The following FAM227B variants were observed in gnomAD, a reference collection of about 807,000 sequenced individuals.
FAM227B encodes protein FAM227B.
A neutral mutation model predicts 73.8 loss-of-function variants in FAM227B; 88 were observed. The observed-to-expected ratio is 1.19, with a 90% CI of 1.00 to 1.42. FAM227B has a LOEUF of 1.42. FAM227B is among the 40% of genes most tolerant of loss of function. The pLI is 0.00. For synonymous variants in FAM227B, 210 were observed against 190.5 expected (o/e 1.10, Z -0.84); for missense variants, 632 against 590.9 (o/e 1.07, Z -0.72).
intron 13 of FAM227B, among the ~76,000 whole-genome samples, chr15:49,342,483 A>G (rs1260757875): frequency 1.3e-5 from 2 of 152,188 alleles, no homozygotes; most frequent in Non-Finnish European, 1.5e-5. Flanking sequence ...TCTTTTATCC[A>G]ACTTGCAACT....
intron 14 of FAM227B, among the ~76,000 whole-genome samples, chr15:49,332,505 G>C (rs2038978048): frequency 6.6e-6 from 1 of 152,174 alleles, no homozygotes; most frequent in East Asian, 1.9e-4. Context: ...TTGAAATCAG[G>C]AAGCAGCAGG....
rs766495773 is a variant in FAM227B at position 49,588,092 on chromosome 15, A to C, written c.338-9T>G. On this transcript the variant is annotated splice_polypyrimidine_tract_variant and intron_variant, in intron 4 of 15. Coordinates refer to ENST00000299338, the MANE Select transcript of FAM227B (RefSeq NM_152647.3). Reference sequence around the variant, plus strand: ...CAATTTTCTATAAGAACCTTTAAGAAAATAAGAATTCACAGTATATATATT... The same window carrying C: ...CAATTTTCTATAAGAACCTTTAAGACAATAAGAATTCACAGTATATATATT... 5 of 1,398,040 alleles carry C rather than the reference A, an allele frequency of 3.6e-6. No homozygotes were observed. The Admixed American group carries it at 1.2e-4, about 35-fold the overall frequency. 86.6% of individuals were successfully genotyped at this position (1,398,040 alleles called of 1,614,324 possible).
intron 10 of FAM227B, among the ~76,000 whole-genome samples, chr15:49,535,766 A>G (rs934076457): frequency 1.7e-4 from 26 of 151,920 alleles, no homozygotes; most frequent in African/African-American, 5.3e-4. Context: ...AATAAATGCA[A>G]TTCAATCAGT....
At chr15:49,361,141 TATATC>T (rs1248410438) in intron 13 of FAM227B, among the ~76,000 whole-genome samples, 1 of 152,194 alleles carries the variant, frequency 6.6e-6, no homozygotes, top group African/African-American at 2.4e-5. Flanking sequence ...AATGTATACA[TATATC>T]ATAACATCAC....
rs556543621 is a variant in FAM227B at position 49,435,643 on chromosome 15, T to C, written c.1013-64244A>G. ...GGCCAAATTTGGTCTTCAAATTTTC[T>C]CTTAACTGGCTGGAAGATGGCCAGA... On this transcript the variant is annotated intron_variant, in intron 11 of 15. Coordinates refer to ENST00000299338, the MANE Select transcript of FAM227B (RefSeq NM_152647.3). Among the ~76,000 whole-genome samples the C allele has an allele frequency of 7.9e-5, 12 of 151,712 alleles. No individual in the cohort carries two copies. The East Asian group carries it at 1.8e-3, about 22-fold the overall frequency.
At chr15:49,369,124 A>ATTT (rs1596630327) in intron 12 of FAM227B, among the ~76,000 whole-genome samples, 3 of 114,424 alleles carry the variant, frequency 2.6e-5, no homozygotes, top group African/African-American at 1.0e-4. Context: ...ACGCCTGGCT[A>ATTT]ATTTTTTTAT....
intron 3 of FAM227B, among the ~76,000 whole-genome samples, chr15:49,607,451 T>C (rs991979141): frequency 6.6e-6 from 1 of 152,158 alleles, no homozygotes; most frequent in African/African-American, 2.4e-5. Flanking sequence ...ACTGTCAATT[T>C]AGAATGGCAG....
chr15:49,574,933 G>A, intron 8 of FAM227B, 78 bp downstream of exon 8: 2 of 816,792 alleles, frequency 2.4e-6, no homozygotes, highest in Non-Finnish European at 3.8e-6. Flanking sequence ...AAACATTTTT[G>A]TACTAGACTT....
At chr15:49,487,564 T>C (rs1217290607) in intron 11 of FAM227B, 2 of 151,894 alleles carry the variant, frequency 1.3e-5, no homozygotes, top group Admixed American at 6.6e-5. Flanking sequence ...TCTGGTTCTC[T>C]AGACTGCCAA....
intron 11 of FAM227B, among the ~76,000 whole-genome samples, chr15:49,461,279 G>A (rs1446122099): frequency 6.6e-6 from 1 of 152,150 alleles, no homozygotes; most frequent in African/African-American, 2.4e-5. Flanking sequence ...CTCAAAGATA[G>A]AGAGCTAACA....
chr15:49,486,019 G>A (rs3959665), intron 11 of FAM227B: 1 of 151,922 alleles, frequency 6.6e-6, no homozygotes, highest in African/African-American at 2.4e-5. Context: ...ATTATTACAA[G>A]GATGAATTTC....
At chr15:49,521,849 G>A (rs971402424) in intron 10 of FAM227B, among the ~76,000 whole-genome samples, 11 of 152,120 alleles carry the variant, frequency 7.2e-5, no homozygotes, top group African/African-American at 2.7e-4. Context: ...TGAGGAGATG[G>A]TGCAGCCCCC....
At chr15:49,370,336 C>T (rs112658651) in intron 12 of FAM227B, among the ~76,000 whole-genome samples, 25 of 152,276 alleles carry the variant, frequency 1.6e-4, no homozygotes, top group African/African-American at 6.0e-4. Flanking sequence ...AAACAAAGTA[C>T]GAGAGACCAT....
intron 11 of FAM227B, among the ~76,000 whole-genome samples, chr15:49,442,034 C>A (rs1206346513): frequency 6.6e-6 from 1 of 151,284 alleles, no homozygotes; most frequent in Non-Finnish European, 1.5e-5. Flanking sequence ...TAGTGTCCAG[C>A]ACATTAGGAA....
intron 7 of FAM227B, among the ~76,000 whole-genome samples, chr15:49,575,710 C>T (rs1159499476): frequency 6.6e-6 from 1 of 152,032 alleles, no homozygotes; most frequent in Non-Finnish European, 1.5e-5. Context: ...ATGTAAGATT[C>T]ATGCCATTAT....
At chr15:49,573,692 C>G (rs948226674) in intron 8 of FAM227B, among the ~76,000 whole-genome samples, 1 of 152,138 alleles carries the variant, frequency 6.6e-6, no homozygotes, top group African/African-American at 2.4e-5. Context: ...TACTGTGAGC[C>G]AATTCATTCT....
Position 49,372,070 on chromosome 15 carries a change from C to CAATGAAATAAAATTCACTTATAAATA in FAM227B, c.1013-672_1013-671insTATTTATAAGTGAATTTTATTTCATT, listed in dbSNP as rs2045868072. 3.1e-3 allele frequency among the ~76,000 whole-genome samples: 225 copies of CAATGAAATAAAATTCACTTATAAATA among 72,042 alleles called. 33 individuals carry two copies. Among genetic ancestry groups the CAATGAAATAAAATTCACTTATAAATA allele is most frequent in the African/African-American group, 0.01 (163 of 15,878 alleles). 47.3% of individuals were successfully genotyped at this position (72,042 alleles called of 152,430 possible). ...AATGAAATAAAATTCACTTATAAAT[C>CAATGAAATAAAATTCACTTATAAATA]AATGAAATAAAATTCATTTATAAAT... On this transcript the variant is annotated intron_variant, in intron 11 of 15. Coordinates refer to ENST00000299338, the MANE Select transcript of FAM227B (RefSeq NM_152647.3).
At chr15:49,386,584 C>T (rs2046898171) in intron 11 of FAM227B, among the ~76,000 whole-genome samples, 1 of 151,730 alleles carries the variant, frequency 6.6e-6, no homozygotes, top group Admixed American at 6.6e-5. Context: ...TAATGTCACA[C>T]CTCAAGGAAC....
chr15:49,497,811 G>C (rs2057758033), intron 11 of FAM227B, among the ~76,000 whole-genome samples: 1 of 152,202 alleles, frequency 6.6e-6, no homozygotes, highest in South Asian at 2.1e-4. Flanking sequence ...TGGAGGCTGT[G>C]TTTCTTTTAG....
Sources: allele counts gnomAD v4.1 joint callset (sites outside exome capture counted in the v4.1 genomes callset), GRCh38; gene constraint gnomAD v4.1.1; transcripts MANE v1.5; gene names NCBI Gene and HGNC (gene_info 2026-07-23, HGNC 2026-07-21).